Variants in SSUH2 observed in about 807,000 individuals in gnomAD.
The protein encoded by SSUH2 is ssu-2 homolog.
A neutral mutation model predicts 55.3 loss-of-function variants in SSUH2; 47 were observed. The ratio of observed to expected loss-of-function variants is 0.85; its 90% CI spans 0.67 to 1.08. The LOEUF is 1.08. Ranked by LOEUF, SSUH2 falls within the 50% of genes least tolerant of loss-of-function variation. The pLI, the probability that SSUH2 is intolerant of heterozygous loss-of-function variation, is 0.00. For synonymous variants in SSUH2, 212 were observed against 191.5 expected, an observed-to-expected ratio of 1.11 and a Z score of -0.89; for missense variants, 535 against 490.7, an observed-to-expected ratio of 1.09 and a Z score of -0.85.
chr3:8,679,860 A>T (rs1705837077), intron 1 of SSUH2: 1 of 152,412 alleles, frequency 6.6e-6, no homozygotes, highest in Non-Finnish European at 1.5e-5. Context: ...CTAAGGGAAG[A>T]AGGCAGGTGA....
Position 8,626,341 on chromosome 3 carries a change from C to G in SSUH2, c.675-20G>C. On this transcript the variant is annotated intron_variant, in intron 8 of 11. Transcript: ENST00000544814. The stretch of plus-strand genomic sequence containing the variant: ...CTGCATCTGAGAAAGGCACAGAGTC[C>G]GTACCCCCAGATCAGTTGCAGGTCC... 1.9e-6 allele frequency: 3 copies of G among 1,605,442 alleles called. No homozygotes were observed. The highest frequency in any genetic ancestry group is 2.6e-6 in the Non-Finnish European group (3 of 1,172,252).
intron 7 of SSUH2, among the ~76,000 whole-genome samples, chr3:8,656,623 T>C (rs1422845585): frequency 6.6e-6 from 1 of 152,088 alleles, no homozygotes; most frequent in Non-Finnish European, 1.5e-5. Flanking sequence ...GGAGCCAACA[T>C]GATGGAAAGG....
rs186891303 is a variant in SSUH2 at position 8,635,507 on chromosome 3, G to A, written c.128-126C>T. ...ATGAAGAAACAGTGATGCATTTAAT[G>A]CAAAAAGAATGGGGACTCCAAGACC... On this transcript the variant is annotated intron_variant, in intron 2 of 11. Transcript: ENST00000544814. 7.8e-4 allele frequency: 622 copies of A among 793,024 alleles called. 3 individuals are homozygous for A. The African/African-American group carries it at 9.8e-3, about 12-fold the overall frequency. The allele number at this position is 793,024 out of a possible 1,614,324, so 49.1% of individuals were successfully genotyped here. A position where few individuals can be genotyped will look rare whatever the true frequency, so the allele number is the denominator to read the frequency against.
rs535124886 is a variant in SSUH2 at position 8,627,362 on chromosome 3, C to A, written c.674+336G>T. The A allele has an allele frequency of 5.0e-5, 12 of 239,278 alleles. No individual in the cohort carries two copies. The South Asian group carries it at 5.3e-4, about 11-fold the overall frequency. 14.8% of individuals were successfully genotyped at this position (239,278 alleles called of 1,614,324 possible). On this transcript the variant is annotated intron_variant, in intron 8 of 11. Transcript: ENST00000544814. ...GATCCTCAGTGAGTTAAAAATCTGGCCTTTAGGTGGTTTTTGATATTCACT... is the reference window on the plus strand; with the variant it reads ...GATCCTCAGTGAGTTAAAAATCTGGACTTTAGGTGGTTTTTGATATTCACT...
At chr3:8,630,985 C>T in intron 5 of SSUH2, 56 bp from the exon 6 acceptor site, 1 of 1,326,680 alleles carries the variant, frequency 7.5e-7, no homozygotes, top group Non-Finnish European at 9.7e-7. Context: ...GATAAACTTT[C>T]ATTTATCCAG....
chr3:8,659,809 CAG>C (rs762651459), intron 6 of SSUH2: 15 of 456,024 alleles, frequency 3.3e-5, no homozygotes, highest in South Asian at 2.3e-4. Context: ...TACCTGCAGT[CAG>C]AAGAGAGAGA....
At position 8,619,896 on chromosome 3, in the gene SSUH2, C is replaced by T. The variant is rs147612534; in HGVS notation, c.1100G>A (p.Arg367Gln). The change falls in exon 12 of 12, where the codon CGG becomes CAG. Residue 367 changes from arginine (R) to glutamine (Q), a missense_variant. Arg to Gln is a conservative substitution (Grantham distance 43, BLOSUM62 1). Coordinates refer to ENST00000544814, the MANE Select transcript of SSUH2 (RefSeq NM_001256748.3). ...CACGATGGTACAGCCACAGCAATACCGCTCAGGATAGTCCACCGCATACAC... is the reference window on the plus strand; with the variant it reads ...CACGATGGTACAGCCACAGCAATACTGCTCAGGATAGTCCACCGCATACAC... ...HQVYAVDYPERYCCGCTIV is the reference protein window; with the variant it reads ...HQVYAVDYPEQYCCGCTIV 4.2e-5 allele frequency: 68 copies of T among 1,613,868 alleles called. No homozygotes were observed. The highest frequency in any genetic ancestry group is 1.3e-4 in the African/African-American group (10 of 74,910).
chr3:8,664,650 G>A, intron 5 of SSUH2, among the ~76,000 whole-genome samples: 1 of 152,154 alleles, frequency 6.6e-6, no homozygotes, highest in South Asian at 2.1e-4. Flanking sequence ...TACAAACCTG[G>A]AGGACAGCAG....
chr3:8,681,562 G>A (rs1414236275), intron 1 of SSUH2, among the ~76,000 whole-genome samples: 1 of 145,232 alleles, frequency 6.9e-6, no homozygotes, highest in African/African-American at 2.6e-5. Flanking sequence ...GGGGCGGGAG[G>A]CACCCCCAAC....
chr3:8,633,552 T>G (rs1198129439), intron 4 of SSUH2, 114 bp downstream of exon 4: 1 of 792,996 alleles, frequency 1.3e-6, no homozygotes, highest in Non-Finnish European at 1.9e-6. Flanking sequence ...TCAAACACAC[T>G]GCCCCCAGGA....
chr3:8,680,996 C>T (rs1329744044), intron 1 of SSUH2, among the ~76,000 whole-genome samples: 7 of 151,438 alleles, frequency 4.6e-5, no homozygotes, highest in South Asian at 2.1e-4. Flanking sequence ...CTTAGGACCC[C>T]CATCGCAGTG....
rs148174980 is a variant in SSUH2 at position 8,633,807 on chromosome 3, C to T, written c.210-12G>A. On this transcript the variant is annotated splice_polypyrimidine_tract_variant and intron_variant, in intron 3 of 11. Coordinates refer to ENST00000544814, the MANE Select transcript of SSUH2 (RefSeq NM_001256748.3). Reference sequence around the variant, plus strand: ...TCATCGCAGGGACTCTGCAGGGGACCGAACAGAGAGGCGGGGGCTTCTGGG... The same window carrying T: ...TCATCGCAGGGACTCTGCAGGGGACTGAACAGAGAGGCGGGGGCTTCTGGG... The T allele has an allele frequency of 8.1e-5, 131 of 1,613,734 alleles. 1 individual carries two copies. The East Asian group carries it at 2.6e-3, about 32-fold the overall frequency.
At position 8,666,389 on chromosome 3, in the gene SSUH2, C is replaced by T. The variant is rs536782752; in HGVS notation, c.-454-2587G>A. 1.1e-4 allele frequency among the ~76,000 whole-genome samples: 16 copies of T among 152,210 alleles called. No homozygotes were observed. The South Asian group carries it at 3.3e-3, about 32-fold the overall frequency. On this transcript the variant is annotated intron_variant, in intron 5 of 18. Transcript: ENST00000317371. ...AGTTCAAATGTATCTGCTAAGTACACCAAGTATCTTAGGCTGGGCTCCTGA... is the reference window on the plus strand; with the variant it reads ...AGTTCAAATGTATCTGCTAAGTACATCAAGTATCTTAGGCTGGGCTCCTGA...
chr3:8,621,733 A>G (rs138795454), intron 11 of SSUH2, among the ~76,000 whole-genome samples: 5 of 152,328 alleles, frequency 3.3e-5, no homozygotes, highest in Admixed American at 1.3e-4. Context: ...AATCCAAATG[A>G]CAATTTCGGA....
At chr3:8,659,864 G>A (rs907478310) in intron 6 of SSUH2, 35 of 450,998 alleles carry the variant, frequency 7.8e-5, no homozygotes, top group African/African-American at 6.8e-4. Context: ...TAAATGCTAT[G>A]GAAAGTGGCA....
At chr3:8,658,913 C>A (rs1226097010) in intron 7 of SSUH2, 1 of 152,152 alleles carries the variant, frequency 6.6e-6, no homozygotes, top group Non-Finnish European at 1.5e-5. Context: ...ATAACATCAA[C>A]AAAGTACTTA....
chr3:8,648,825 T>G (rs1702040792), upstream of SSUH2, among the ~76,000 whole-genome samples: 1 of 152,140 alleles, frequency 6.6e-6, no homozygotes, highest in East Asian at 1.9e-4. Flanking sequence ...CTACCAATCC[T>G]GATGCTCCAG....
rs767030729 is a variant in SSUH2, at chr3:8,633,698, T to G, written c.307A>C (p.Ile103Leu). 2 of 1,536,424 alleles carry G rather than the reference T, an allele frequency of 1.3e-6. No homozygotes were observed. The highest frequency in any genetic ancestry group is 1.8e-6 in the Non-Finnish European group (2 of 1,142,060). Residue 103 changes from isoleucine (I) to leucine (L), a missense_variant, in exon 4 of 12, where the codon ATC (isoleucine) becomes CTC (leucine). Coordinates refer to ENST00000544814, the MANE Select transcript of SSUH2 (RefSeq NM_001256748.3). The part of the protein sequence containing the change: ...YSSTVAGDLV[I>L]QELKRQTLCR... ...AGGGTCTGCCGCTTCAGCTCCTGGA[T>G]GACGAGGTCTCCAGCCACCGTGCTG...
At chr3:8,628,049 C>A (rs1477883249) in intron 7 of SSUH2, among the ~76,000 whole-genome samples, 1 of 152,190 alleles carries the variant, frequency 6.6e-6, no homozygotes, top group Non-Finnish European at 1.5e-5. Context: ...ACCCCTGAGA[C>A]CTGACCCCTA....
Sources: gnomAD v4.1 joint callset for allele counts (sites outside exome capture counted in the v4.1 genomes callset) on GRCh38, gnomAD v4.1.1 for gene constraint, MANE v1.5 for transcripts, NCBI Gene and HGNC (gene_info 2026-07-23, HGNC 2026-07-21) for gene names.